The following PRRT1 variants were observed in gnomAD, a reference collection of about 807,000 sequenced individuals.
The protein encoded by PRRT1 is proline rich transmembrane protein 1.
PRRT1 carries 8 observed loss-of-function variants against 22.6 expected under a neutral mutation model. The observed-to-expected ratio is 0.35, with a 90% CI of 0.21 to 0.64. PRRT1 has a LOEUF of 0.64. Ranked by LOEUF, PRRT1 falls within the 30% of genes least tolerant of loss-of-function variation. The pLI, the probability that PRRT1 is intolerant of heterozygous loss-of-function variation, is 0.69. For missense variants in PRRT1, 315 were observed against 444.5 expected (o/e 0.71, Z 2.62); for synonymous variants, 176 against 203.6 (o/e 0.86, Z 1.15).
intron 1 of PRRT1, chr6:32,151,581 C>A: frequency 1.7e-6 from 1 of 588,484 alleles, no homozygotes; most frequent in South Asian, 2.1e-5. Context: ...CTCAACCTAC[C>A]CCCCTGACCA....
In PRRT1 at chr6:32,150,972, T is replaced by C. The variant is rs1166459232; in HGVS notation, c.20-66A>G. 13 of 1,264,556 alleles carry C rather than the reference T, an allele frequency of 1.0e-5. No homozygotes were observed. The highest frequency in any genetic ancestry group is 2.0e-5 in the Admixed American group (1 of 50,290). The allele number at this position is 1,264,556 out of a possible 1,614,324, so 78.3% of individuals were successfully genotyped here. On this transcript the variant is annotated intron_variant, in intron 1 of 3. Transcript: ENST00000211413. The surrounding 1 kb of genome is among the most constrained non-coding windows in gnomAD (Gnocchi z 7.2). ...ACACAGTGATGAGTTGAGGAGGGGGTAAGGGGAAACACAGCCGGTCAGGGA... is the reference window on the plus strand; with the variant it reads ...ACACAGTGATGAGTTGAGGAGGGGGCAAGGGGAAACACAGCCGGTCAGGGA...
chr6:32,151,437 G>C, intron 1 of PRRT1: 1 of 432,280 alleles, frequency 2.3e-6, no homozygotes, highest in Non-Finnish European at 4.2e-6. Context: ...TCTGGATTTT[G>C]CTCCCTTGAC....
Position 32,149,354 on chromosome 6 carries a change from G to A in PRRT1, c.789C>T (p.Ile263=). The A allele has an allele frequency of 6.2e-7, 1 of 1,605,718 alleles. No individual in the cohort carries two copies. The highest frequency in any genetic ancestry group is 8.5e-7 in the Non-Finnish European group (1 of 1,175,098). Residue 263 remains isoleucine (I), a synonymous_variant, in exon 4 of 4, where the codon ATC becomes ATT. Coordinates refer to ENST00000211413, the MANE Select transcript of PRRT1 (RefSeq NM_030651.4). The surrounding 1 kb of genome is among the most constrained non-coding windows in gnomAD (Gnocchi z 8.7). The part of the protein sequence containing the change: ...LARGDMVSAE[I]ASREARNFSF... Reference sequence around the variant, plus strand: ...AGAAGTTCCGGGCCTCGCGTGAAGCGATCTCGGCCGACACCATGTCTCCGC... The same window carrying A: ...AGAAGTTCCGGGCCTCGCGTGAAGCAATCTCGGCCGACACCATGTCTCCGC...
chr6:32,153,079 CAG>C (rs1046736724), upstream of PRRT1: 154 of 191,328 alleles, frequency 8.0e-4, no homozygotes, highest in African/African-American at 3.4e-3. The surrounding 1 kb of genome is among the most constrained non-coding windows in gnomAD (Gnocchi z 4.4). Flanking sequence ...TCCACAGAGT[CAG>C]ATCACGGCTT....
chr6:32,151,415 TAAG>T (rs1783269150), intron 1 of PRRT1: 1 of 413,202 alleles, frequency 2.4e-6, no homozygotes, highest in Admixed American at 4.1e-5. Flanking sequence ...TAGGGCAGAT[TAAG>T]AAGAGCCCTC....
intron 1 of PRRT1, chr6:32,151,169 A>G: frequency 2.9e-6 from 2 of 684,974 alleles, no homozygotes; most frequent in South Asian, 1.5e-5. Context: ...TTTCATCACC[A>G]TGCACCCAGC....
In PRRT1 at chr6:32,149,112, C is replaced by T. The variant is rs762810348; in HGVS notation, c.*110G>A. The T allele has an allele frequency of 5.1e-6, 6 of 1,166,944 alleles. No homozygotes were observed. The highest frequency in any genetic ancestry group is 7.6e-6 in the Non-Finnish European group (6 of 792,102). The allele number at this position is 1,166,944 out of a possible 1,614,324, so 72.3% of individuals were successfully genotyped here. ...GGCGGAGTTTACGATGTATCCAAGT[C>T]TGACGGCCCCAGAAACGGGTGTGCA... On this transcript the variant is annotated 3_prime_UTR_variant, in exon 4 of 4. Coordinates refer to ENST00000211413, the MANE Select transcript of PRRT1 (RefSeq NM_030651.4). The surrounding 1 kb of genome is among the most constrained non-coding windows in gnomAD (Gnocchi z 8.7).
rs1377782353 is a variant in PRRT1 at position 32,149,663 on chromosome 6, G to C, written c.618C>G (p.Pro206=). 1.1e-5 allele frequency: 18 copies of C among 1,612,042 alleles called. No individual in the cohort carries two copies. Among genetic ancestry groups the C allele is most frequent in the Non-Finnish European group, 1.4e-5 (16 of 1,179,534 alleles). ...TGVTSTLPPP[P]QGPGLALLEP... is the part of the protein sequence containing the mutation. ...CCAGTAGGGCCAGCCCTGGGCCCTG[G>C]GGCGGCGGGGGGAGAGTGGAGGTCA... is the stretch of plus-strand genomic sequence containing the variant. The change falls in exon 3 of 4, where the codon CCC becomes CCG. Residue 206 remains proline (P), a synonymous_variant. Coordinates refer to ENST00000211413, the MANE Select transcript of PRRT1 (RefSeq NM_030651.4). The surrounding 1 kb of genome is among the most constrained non-coding windows in gnomAD (Gnocchi z 8.7).
In PRRT1 at chr6:32,148,848, T is replaced by A; in HGVS notation, c.*374A>T. 2 of 542,842 alleles carry A rather than the reference T, an allele frequency of 3.7e-6. 1 individual carries two copies. The highest frequency in any genetic ancestry group is 3.1e-5 in the South Asian group (2 of 65,292). The allele number at this position is 542,842 out of a possible 1,614,324, so 33.6% of individuals were successfully genotyped here. A position where few individuals can be genotyped will look rare whatever the true frequency, so the allele number is the denominator to read the frequency against. ...GAAAAGAAGGCGGAGCCTGCCGACC[T>A]GGAGGCGGGGTTTTGTCAGAGCTGG... On this transcript the variant is annotated 3_prime_UTR_variant, in exon 4 of 4. Transcript: ENST00000211413. The surrounding 1 kb of genome is among the most constrained non-coding windows in gnomAD (Gnocchi z 5.7).
At position 32,149,393 on chromosome 6, in the gene PRRT1, G is replaced by C; in HGVS notation, c.750C>G (p.Arg250=). Residue 250 remains arginine (R), a synonymous_variant, in exon 4 of 4, where the codon CGC becomes CGG. Coordinates refer to ENST00000211413, the MANE Select transcript of PRRT1 (RefSeq NM_030651.4). This position sits in a 1 kb window ranked among gnomAD's most constrained non-coding sequence, Gnocchi z 8.7. ...IIAIFKAVQV[R]TALARGDMVS... ...CCATGTCTCCGCGGGCCAAGGCCGT[G>C]CGCACCTACGGAGGAGGGGTGGGGG... 1 of 1,599,048 alleles carries C rather than the reference G, an allele frequency of 6.3e-7. No homozygotes were observed. Among genetic ancestry groups the C allele is most frequent in the Non-Finnish European group, 8.5e-7 (1 of 1,169,622 alleles).
In PRRT1 at chr6:32,150,999, G is replaced by T; in HGVS notation, c.20-93C>A. The T allele has an allele frequency of 9.7e-7, 1 of 1,034,726 alleles. No individual in the cohort carries two copies. The highest frequency in any genetic ancestry group is 1.5e-6 in the Non-Finnish European group (1 of 687,970). The allele number at this position is 1,034,726 out of a possible 1,614,324, so 64.1% of individuals were successfully genotyped here. A position where few individuals can be genotyped will look rare whatever the true frequency, so the allele number is the denominator to read the frequency against. ...AGGGGAAACACAGCCGGTCAGGGAT[G>T]GAGAAAGATAATGGGAGAGACACAT... On this transcript the variant is annotated intron_variant, in intron 1 of 3. Transcript: ENST00000211413. The surrounding 1 kb of genome is among the most constrained non-coding windows in gnomAD (Gnocchi z 7.2).
chr6:32,151,948 CGGCGGGGGGGGGG>C (rs770435200), upstream of PRRT1: 15 of 166,574 alleles, frequency 9.0e-5, 1 homozygote, highest in East Asian at 2.2e-4. Flanking sequence ...ATGAAGGCAG[CGGCGGGGGGGGGG>C]GGCGGGGGGG....
Position 32,149,609 on chromosome 6 carries a change from C to T in PRRT1, c.672G>A (p.Met224Ile), listed in dbSNP as rs1342651110. ...AGATGGTGGTCAGCACCGCGATGGG[C>T]ATGTAGTCGTGTGGCGGGCGCCTCG... ...LEPRRPPHDY[M>I]PIAVLTTICC... Residue 224 changes from methionine to isoleucine, a missense_variant, in exon 3 of 4, where the codon ATG (methionine) becomes ATA (isoleucine). Around this residue, in one of 4 missense-constraint regions of PRRT1, gnomAD observed 263 missense variants for 328.5 expected, o/e 0.80. Transcript: ENST00000211413. The surrounding 1 kb of genome is among the most constrained non-coding windows in gnomAD (Gnocchi z 8.7). 1 of 1,613,040 alleles carries T rather than the reference C, an allele frequency of 6.2e-7. No individual in the cohort carries two copies. The highest frequency in any genetic ancestry group is 8.5e-7 in the Non-Finnish European group (1 of 1,180,018).
At chr6:32,152,216 C>G, upstream of PRRT1, 3 of 578,392 alleles carry the variant, frequency 5.2e-6, no homozygotes, top group Non-Finnish European at 6.5e-6. Flanking sequence ...GAGTCTCCCC[C>G]ACCAAGACTC....
chr6:32,148,595 C>G lies in PRRT1; in HGVS notation c.*627G>C. 1 of 352,672 alleles carries G rather than the reference C, an allele frequency of 2.8e-6. No individual in the cohort carries two copies. The highest frequency in any genetic ancestry group is 7.4e-5 in the East Asian group (1 of 13,452). 21.8% of individuals were successfully genotyped at this position (352,672 alleles called of 1,614,324 possible). On this transcript the variant is annotated 3_prime_UTR_variant, in exon 4 of 4. Coordinates refer to ENST00000211413, the MANE Select transcript of PRRT1 (RefSeq NM_030651.4). The surrounding 1 kb of genome is among the most constrained non-coding windows in gnomAD (Gnocchi z 5.7). ...GAAGGGTCCTACACCAGGAACTTCC[C>G]AAATGTCCTTAAAAAAAGCAAAAGG...
rs1561797665 is a variant in PRRT1, at chr6:32,148,822, A to G, written c.*400T>C. Reference sequence around the variant, plus strand: ...ACTGGACTGAATCACCCCGCGGAGAAGAAAAGAAGGCGGAGCCTGCCGACC... The same window carrying G: ...ACTGGACTGAATCACCCCGCGGAGAGGAAAAGAAGGCGGAGCCTGCCGACC... On this transcript the variant is annotated 3_prime_UTR_variant, in exon 4 of 4. Transcript: ENST00000211413. The surrounding 1 kb of genome is among the most constrained non-coding windows in gnomAD (Gnocchi z 5.7). 5 of 502,652 alleles carry G rather than the reference A, an allele frequency of 9.9e-6. No homozygotes were observed. Among genetic ancestry groups the G allele is most frequent in the East Asian group, 5.3e-5 (1 of 18,856 alleles). 31.1% of individuals were successfully genotyped at this position (502,652 alleles called of 1,614,324 possible). A position where few individuals can be genotyped will look rare whatever the true frequency, so the allele number is the denominator to read the frequency against.
Position 32,149,863 on chromosome 6 carries a change from G to A in PRRT1, c.559-141C>T. On this transcript the variant is annotated intron_variant, in intron 2 of 3. Transcript: ENST00000211413. The surrounding 1 kb of genome is among the most constrained non-coding windows in gnomAD (Gnocchi z 8.7). ...AATAAAGCACCCATTACCCTTCCAGGACACCCATAAATTCCACCTAAGCCC... is the reference window on the plus strand; with the variant it reads ...AATAAAGCACCCATTACCCTTCCAGAACACCCATAAATTCCACCTAAGCCC... 3 of 602,720 alleles carry A rather than the reference G, an allele frequency of 5.0e-6. No individual in the cohort carries two copies. Among genetic ancestry groups the A allele is most frequent in the Non-Finnish European group, 8.7e-6 (3 of 344,692 alleles). 37.3% of individuals were successfully genotyped at this position (602,720 alleles called of 1,614,324 possible).
chr6:32,150,393 T>A lies in PRRT1; in HGVS notation c.533A>T (p.Tyr178Phe). 1 of 1,552,646 alleles carries A rather than the reference T, an allele frequency of 6.4e-7. No homozygotes were observed. ...CGTGCCCACCGGGTAGACCGGCACG[T>A]AAGCAGTGCAAGGCTGCAGCTGCAG... is the stretch of plus-strand genomic sequence containing the variant. ...YPLQLQPCTA[Y>F]VPVYPVGTPY... is the part of the protein sequence containing the mutation. The change falls in exon 2 of 4, where the codon TAC (tyrosine) becomes TTC (phenylalanine). Residue 178 changes from tyrosine to phenylalanine, a missense_variant. By Grantham distance (22) the Tyr-to-Phe change is conservative. Coordinates refer to ENST00000211413, the MANE Select transcript of PRRT1 (RefSeq NM_030651.4). This position sits in a 1 kb window ranked among gnomAD's most constrained non-coding sequence, Gnocchi z 7.2.
chr6:32,150,326 G>C lies in PRRT1; in HGVS notation c.558+42C>G. Reference sequence around the variant, plus strand: ...TATCCCCAATTTCAAGTCCTGTATCGCGTCCCCCTCTTTCCCATGTCCCTG... The same window carrying C: ...TATCCCCAATTTCAAGTCCTGTATCCCGTCCCCCTCTTTCCCATGTCCCTG... On this transcript the variant is annotated intron_variant, in intron 2 of 3. Coordinates refer to ENST00000211413, the MANE Select transcript of PRRT1 (RefSeq NM_030651.4). The surrounding 1 kb of genome is among the most constrained non-coding windows in gnomAD (Gnocchi z 7.2). 9 of 1,541,006 alleles carry C rather than the reference G, an allele frequency of 5.8e-6. No individual in the cohort carries two copies. The highest frequency in any genetic ancestry group is 7.8e-6 in the Non-Finnish European group (9 of 1,153,192).
Sources: allele counts gnomAD v4.1 joint callset, GRCh38; gene constraint gnomAD v4.1.1; regional missense constraint gnomAD v4.1.1; non-coding constraint Gnocchi (gnomAD v3.1); transcripts MANE v1.5; gene names NCBI Gene and HGNC (gene_info 2026-07-23, HGNC 2026-07-21).